LDAF1: variants seen among roughly 807,000 people sequenced by gnomAD.
LDAF1 encodes PROMETHIN.
LDAF1 carries 7 observed loss-of-function variants against 13.5 expected under a neutral mutation model. The observed-to-expected ratio is 0.52, with a 90% confidence interval of 0.29 to 0.97. The LOEUF (loss-of-function observed/expected upper bound fraction) is 0.97, where lower values mean the gene tolerates loss of function less well. LDAF1 is among the 50% of genes least tolerant of loss of function. LDAF1 has a pLI of 0.07. For synonymous variants in LDAF1, 69 were observed against 77.1 expected (o/e 0.89, Z 0.55); for missense variants, 148 against 193.2 (o/e 0.77, Z 1.39).
chr16:21,174,776 TG>T lies in LDAF1; in HGVS notation c.404+630del, dbSNP rs565482943. Among the ~76,000 whole-genome samples, 17 of 152,252 alleles carry T rather than the reference TG, an allele frequency of 1.1e-4. No individual in the cohort carries two copies. The South Asian group carries it at 3.3e-3, about 30-fold the overall frequency. On this transcript the variant is annotated intron_variant, in intron 4 of 4. Coordinates refer to ENST00000233047, the MANE Select transcript of LDAF1 (RefSeq NM_001301771.2). ...AAATGTCAAATTAGGTGGTTTTCTT[TG>T]GCGGGGTGGGGCAGAGAGGCACAGG...
At chr16:21,175,505 G>A (rs561233016) in intron 4 of LDAF1, among the ~76,000 whole-genome samples, 1 of 152,288 alleles carries the variant, frequency 6.6e-6, no homozygotes, top group South Asian at 2.1e-4. Context: ...TGGAATTTCT[G>A]GAAAGGGCCA....
At chr16:21,172,446 C>CA (rs577669736) in intron 3 of LDAF1, among the ~76,000 whole-genome samples, 2 of 147,664 alleles carry the variant, frequency 1.4e-5, no homozygotes, top group Non-Finnish European at 1.5e-5. Context: ...GACTCTGTCT[C>CA]AAAAAAAAGA....
intron 2 of LDAF1, chr16:21,165,594 A>T: frequency 1.0e-6 from 1 of 984,148 alleles, no homozygotes; most frequent in Non-Finnish European, 1.2e-6. Flanking sequence ...ATCAGCCTGG[A>T]CTTGACCACA....
At chr16:21,170,628 C>A in intron 3 of LDAF1, 23 bp downstream of exon 3, 1 of 1,612,404 alleles carries the variant, frequency 6.2e-7, no homozygotes, top group African/African-American at 1.3e-5. Context: ...GTCATTCACC[C>A]CTTTAGAAAA....
intron 2 of LDAF1, among the ~76,000 whole-genome samples, chr16:21,162,743 C>T (rs2092988819): frequency 6.6e-6 from 1 of 152,190 alleles, no homozygotes; most frequent in Non-Finnish European, 1.5e-5. Context: ...GCAGCTTTCT[C>T]GCCAGCTGGC....
At position 21,161,142 on chromosome 16, in the gene LDAF1, T is replaced by C; in HGVS notation, c.-41T>C. 1 of 1,608,938 alleles carries C rather than the reference T, an allele frequency of 6.2e-7. No homozygotes were observed. Among genetic ancestry groups the C allele is most frequent in the Non-Finnish European group, 8.5e-7 (1 of 1,178,234 alleles). ...CGGGCTGCACTGGAGAATTTACTGGTAGGATAATTCATCCCTAAAGAGATT... is the reference window on the plus strand; with the variant it reads ...CGGGCTGCACTGGAGAATTTACTGGCAGGATAATTCATCCCTAAAGAGATT... On this transcript the variant is annotated 5_prime_UTR_variant, in exon 2 of 5. Transcript: ENST00000233047.
rs1191343068 is a variant in LDAF1, at chr16:21,161,395, C to T, written c.96+117C>T. On this transcript the variant is annotated intron_variant, in intron 2 of 4. Transcript: ENST00000233047. ...ATTTGGAGGTAAGTCAAGAATCTTT[C>T]TGGCTTACCGCCCTGCCATGTCTAT... 5 of 1,266,288 alleles carry T rather than the reference C, an allele frequency of 3.9e-6. No homozygotes were observed. The Admixed American group carries it at 1.2e-4, about 31-fold the overall frequency. 78.4% of individuals were successfully genotyped at this position (1,266,288 alleles called of 1,614,324 possible).
At chr16:21,174,923 C>G (rs1196503677) in intron 4 of LDAF1, among the ~76,000 whole-genome samples, 1 of 152,136 alleles carries the variant, frequency 6.6e-6, no homozygotes, top group African/African-American at 2.4e-5. Context: ...TTCTCACCAA[C>G]TGAGTGTGAG....
chr16:21,163,333 C>T (rs1021365754), intron 2 of LDAF1, among the ~76,000 whole-genome samples: 8 of 152,122 alleles, frequency 5.3e-5, no homozygotes, highest in Middle Eastern at 3.2e-3. Context: ...CTGTTGTGGA[C>T]GTGTCCACTA....
intron 4 of LDAF1, 119 bp downstream of exon 4, chr16:21,174,267 A>G: frequency 2.2e-6 from 2 of 922,150 alleles, no homozygotes; most frequent in South Asian, 1.9e-5. Context: ...ATAGCTCGCT[A>G]CAGCCTCAAC....
At chr16:21,167,928 C>G (rs1202889158) in intron 2 of LDAF1, among the ~76,000 whole-genome samples, 1 of 148,756 alleles carries the variant, frequency 6.7e-6, no homozygotes, top group African/African-American at 2.4e-5. Context: ...ATGGCTTGAA[C>G]CCGGGAGGCG....
intron 1 of LDAF1, 147 bp downstream of exon 1, chr16:21,158,893 A>G (rs2092924503): frequency 5.8e-6 from 1 of 172,690 alleles, no homozygotes; most frequent in Non-Finnish European, 1.2e-5. Flanking sequence ...CCCCGGGGTT[A>G]GTGTAAGGGG....
intron 2 of LDAF1, among the ~76,000 whole-genome samples, chr16:21,164,177 A>C (rs1046824435): frequency 1.3e-5 from 2 of 152,160 alleles, no homozygotes; most frequent in Non-Finnish European, 2.9e-5. Flanking sequence ...TTAGAAGCCA[A>C]CCGCCTTTGT....
intron 2 of LDAF1, chr16:21,165,670 A>G: frequency 1.1e-6 from 1 of 887,674 alleles, no homozygotes; most frequent in Non-Finnish European, 1.3e-6. Context: ...CTAGGTTCAT[A>G]TTTCTTAAAT....
chr16:21,161,159 A>T lies in LDAF1; in HGVS notation c.-24A>T. ...TTTACTGGTAGGATAATTCATCCCT[A>T]AAGAGATTGAAGTGAGCTTCAGAAT... On this transcript the variant is annotated 5_prime_UTR_variant, in exon 2 of 5. The change abolishes the stop of an existing upstream ORF in the 5' untranslated region. Coordinates refer to ENST00000233047, the MANE Select transcript of LDAF1 (RefSeq NM_001301771.2). 2 of 1,613,542 alleles carry T rather than the reference A, an allele frequency of 1.2e-6. No individual in the cohort carries two copies. The highest frequency in any genetic ancestry group is 1.7e-6 in the Non-Finnish European group (2 of 1,179,898).
chr16:21,166,806 T>G, intron 2 of LDAF1: 1 of 1,530,762 alleles, frequency 6.5e-7, no homozygotes. Context: ...GTGTGGTGAC[T>G]CCCACGGCTC....
chr16:21,172,397 G>A (rs1443833592), intron 3 of LDAF1, among the ~76,000 whole-genome samples: 1 of 152,036 alleles, frequency 6.6e-6, no homozygotes, highest in Non-Finnish European at 1.5e-5. Flanking sequence ...AGTGAGCCAA[G>A]ATTGCACCAT....
chr16:21,171,421 G>A (rs1229509006), intron 3 of LDAF1, among the ~76,000 whole-genome samples: 1 of 152,198 alleles, frequency 6.6e-6, no homozygotes, highest in African/African-American at 2.4e-5. Context: ...GTTTACACTT[G>A]AAGGAGAAAG....
rs547595211 is a variant in LDAF1, at chr16:21,175,726, G to A, written c.404+1578G>A. Among the ~76,000 whole-genome samples, 4 of 152,272 alleles carry A rather than the reference G, an allele frequency of 2.6e-5. No individual in the cohort carries two copies. The East Asian group carries it at 7.7e-4, about 29-fold the overall frequency. ...CTGAGTTTTGTTTTTCTACAAAACA[G>A]CCCTTGAACTCCTTACCAAAAGTTT... is the stretch of plus-strand genomic sequence containing the variant. On this transcript the variant is annotated intron_variant, in intron 4 of 4. Transcript: ENST00000233047.
Sources: allele counts gnomAD v4.1 joint callset (sites outside exome capture counted in the v4.1 genomes callset), GRCh38; gene constraint gnomAD v4.1.1; transcripts MANE v1.5; gene names NCBI Gene and HGNC (gene_info 2026-07-23, HGNC 2026-07-21).